SLC25A13: variants seen among roughly 807,000 people sequenced by gnomAD.
The protein encoded by SLC25A13 is electrogenic aspartate/glutamate antiporter SLC25A13, mitochondrial.
SLC25A13 carries 70 observed loss-of-function variants against 85.5 expected under a neutral mutation model. That is an observed-to-expected ratio of 0.82 (90% confidence interval 0.68 to 1.00). SLC25A13 has a LOEUF of 1.00. Among genes scored for constraint, SLC25A13 ranks in the 50% least tolerant of loss-of-function variants. SLC25A13 has a pLI of 0.00. For missense variants in SLC25A13, 765 were observed against 819.8 expected (o/e 0.93, Z 0.82); for synonymous variants, 259 against 288.7 (o/e 0.90, Z 1.04).
intron 5 of SLC25A13, among the ~76,000 whole-genome samples, chr7:96,206,563 G>A (rs566833476): frequency 2.0e-5 from 3 of 152,248 alleles, no homozygotes; most frequent in Non-Finnish European, 4.4e-5. Flanking sequence ...ATTCCTATAA[G>A]TCCGGATCTG....
At chr7:96,288,968 G>A (rs1799002385) in intron 2 of SLC25A13, among the ~76,000 whole-genome samples, 1 of 152,180 alleles carries the variant, frequency 6.6e-6, no homozygotes, top group Admixed American at 6.5e-5. Context: ...CCTCAAGTGA[G>A]ACCCTGAGCC....
chr7:96,294,874 T>C (rs1799289673), intron 2 of SLC25A13, among the ~76,000 whole-genome samples: 2 of 152,146 alleles, frequency 1.3e-5, no homozygotes, highest in Non-Finnish European at 2.9e-5. Flanking sequence ...TGTGTCCTTT[T>C]TTTTCCTCCC....
At chr7:96,161,559 C>G (rs1454911674) in intron 13 of SLC25A13, among the ~76,000 whole-genome samples, 1 of 152,148 alleles carries the variant, frequency 6.6e-6, no homozygotes, top group Non-Finnish European at 1.5e-5. Flanking sequence ...CAGTGCAACA[C>G]AGGCCCTGTC....
At chr7:96,227,337 T>G (rs1235266689) in intron 4 of SLC25A13, among the ~76,000 whole-genome samples, 1 of 152,178 alleles carries the variant, frequency 6.6e-6, no homozygotes, top group Admixed American at 6.5e-5. Context: ...TTAAAAATTC[T>G]TAAAGGAATA....
chr7:96,217,042 A>G (rs1795926864), intron 4 of SLC25A13, among the ~76,000 whole-genome samples: 4 of 152,194 alleles, frequency 2.6e-5, no homozygotes, highest in African/African-American at 7.2e-5. Context: ...AAAAGGACAA[A>G]TAATCCTATT....
At chr7:96,211,540 A>G (rs1471407743) in intron 4 of SLC25A13, among the ~76,000 whole-genome samples, 2 of 152,122 alleles carry the variant, frequency 1.3e-5, no homozygotes, top group Admixed American at 6.6e-5. Context: ...GTGCATATTT[A>G]TTGCACGTCT....
intron 9 of SLC25A13, among the ~76,000 whole-genome samples, chr7:96,185,983 T>C (rs1363703002): frequency 3.3e-5 from 5 of 152,244 alleles, no homozygotes; most frequent in Non-Finnish European, 7.3e-5. Context: ...GGCAGGTTTT[T>C]GGTTTGTATG....
chr7:96,228,895 G>C (rs1027370247), intron 4 of SLC25A13, among the ~76,000 whole-genome samples: 8 of 152,166 alleles, frequency 5.3e-5, no homozygotes, highest in Non-Finnish European at 1.0e-4. Flanking sequence ...AGCACTCCTG[G>C]CCCACCCACG....
At chr7:96,157,387 TTTC>T (rs1184483016) in intron 13 of SLC25A13, among the ~76,000 whole-genome samples, 12 of 152,212 alleles carry the variant, frequency 7.9e-5, no homozygotes, top group Non-Finnish European at 2.9e-5. Context: ...ATAAGCTTGA[TTTC>T]TTCTTCTCCT....
At chr7:96,202,030 C>T (rs1795276715) in intron 5 of SLC25A13, among the ~76,000 whole-genome samples, 1 of 152,120 alleles carries the variant, frequency 6.6e-6, no homozygotes, top group Non-Finnish European at 1.5e-5. Flanking sequence ...TCTAAATAAC[C>T]AAAATGTTCA....
intron 13 of SLC25A13, among the ~76,000 whole-genome samples, chr7:96,155,315 C>G (rs1793218938): frequency 6.6e-6 from 1 of 152,152 alleles, no homozygotes; most frequent in South Asian, 2.1e-4. Flanking sequence ...CATTTCCAAA[C>G]TGTGATTCAT....
At chr7:96,154,801 C>CT (rs869305314) in intron 13 of SLC25A13, among the ~76,000 whole-genome samples, 80 of 50,278 alleles carry the variant, frequency 1.6e-3, no homozygotes, top group Non-Finnish European at 1.9e-3. Flanking sequence ...GCATCTTTTT[C>CT]TTTTTTTTTT....
intron 1 of SLC25A13, among the ~76,000 whole-genome samples, chr7:96,302,330 C>T (rs939719999): frequency 5.3e-5 from 8 of 152,024 alleles, no homozygotes; most frequent in Non-Finnish European, 1.0e-4. Flanking sequence ...TAGGGGGTCA[C>T]CAGAAAATTC....
chr7:96,233,674 G>C (rs571103330), intron 4 of SLC25A13, among the ~76,000 whole-genome samples: 3 of 152,214 alleles, frequency 2.0e-5, no homozygotes, highest in African/African-American at 7.2e-5. Context: ...ATGAGGACTG[G>C]AGAGGATCAC....
chr7:96,254,531 T>A (rs1334964744), intron 3 of SLC25A13, among the ~76,000 whole-genome samples: 1 of 152,238 alleles, frequency 6.6e-6, no homozygotes, highest in East Asian at 1.9e-4. Flanking sequence ...TACATTTACA[T>A]GTGTATTTGT....
intron 15 of SLC25A13, among the ~76,000 whole-genome samples, chr7:96,130,113 A>G (rs543650229): frequency 1.3e-5 from 2 of 152,208 alleles, no homozygotes; most frequent in African/African-American, 2.4e-5. Flanking sequence ...AATGAAAAAA[A>G]ATCTCACCAG....
intron 5 of SLC25A13, among the ~76,000 whole-genome samples, chr7:96,196,123 A>C (rs955755744): frequency 7.9e-5 from 12 of 152,230 alleles, no homozygotes; most frequent in African/African-American, 2.7e-4. Flanking sequence ...ACAAATCGTG[A>C]GCTATTGAAC....
intron 4 of SLC25A13, among the ~76,000 whole-genome samples, chr7:96,224,718 T>C (rs987473593): frequency 1.5e-4 from 23 of 152,288 alleles, no homozygotes; most frequent in African/African-American, 5.1e-4. Context: ...TGAAAAAAAA[T>C]CGTAACTAAT....
At chr7:96,220,171 TAC>T (rs1235468744) in intron 4 of SLC25A13, among the ~76,000 whole-genome samples, 4 of 152,226 alleles carry the variant, frequency 2.6e-5, no homozygotes, top group Non-Finnish European at 5.9e-5. Context: ...CTTAAAGCAT[TAC>T]AGAGTCCTAA....
Sources: gnomAD v4.1 joint callset for allele counts (sites outside exome capture counted in the v4.1 genomes callset) on GRCh38, gnomAD v4.1.1 for gene constraint, MANE v1.5 for transcripts, NCBI Gene and HGNC (gene_info 2026-07-23, HGNC 2026-07-21) for gene names.